GRID2: variants seen among roughly 807,000 people sequenced by gnomAD.
GRID2 encodes glutamate ionotropic receptor delta type subunit 2, also known as glutamate receptor ionotropic, delta-2.
Under a neutral mutation model 114.8 loss-of-function variants are expected in GRID2, and 33 were observed. The observed-to-expected ratio is 0.29, with a 90% CI of 0.22 to 0.38. GRID2 has a LOEUF of 0.38. GRID2 is among the 10% of genes least tolerant of loss of function. GRID2 has a pLI of 1.00. For synonymous variants in GRID2, 505 were observed against 449.9 expected (o/e 1.12, Z -1.55); for missense variants, 1,184 against 1,257.7 (o/e 0.94, Z 0.89).
intron 12 of GRID2, among the ~76,000 whole-genome samples, chr4:93,493,258 C>A (rs1222742467): frequency 6.6e-6 from 1 of 151,740 alleles, no homozygotes; most frequent in African/African-American, 2.4e-5. Flanking sequence ...ATAACTGATC[C>A]TATGCAGTAA....
At chr4:93,323,560 G>A (rs1284291588) in intron 8 of GRID2, among the ~76,000 whole-genome samples, 1 of 152,126 alleles carries the variant, frequency 6.6e-6, no homozygotes, top group Non-Finnish European at 1.5e-5. Flanking sequence ...GAACTTTAAA[G>A]TAGTTTTTTC....
At chr4:92,843,420 T>C (rs1743061128) in intron 2 of GRID2, among the ~76,000 whole-genome samples, 2 of 152,106 alleles carry the variant, frequency 1.3e-5, no homozygotes. Context: ...AACTTTGGTT[T>C]TTATGAGCTA....
intron 13 of GRID2, among the ~76,000 whole-genome samples, chr4:93,549,518 A>G (rs1733563274): frequency 6.6e-6 from 1 of 152,230 alleles, no homozygotes; most frequent in Non-Finnish European, 1.5e-5. Context: ...GGCATACTTC[A>G]TATACAAAAG....
chr4:92,532,335 A>C (rs1242310145), intron 1 of GRID2, among the ~76,000 whole-genome samples: 6 of 152,180 alleles, frequency 3.9e-5, no homozygotes, highest in Non-Finnish European at 7.3e-5. Flanking sequence ...GAAAAAGCAA[A>C]GTTTGAAATA....
At chr4:93,766,163 A>C (rs1451299913) in intron 14 of GRID2, among the ~76,000 whole-genome samples, 1 of 152,238 alleles carries the variant, frequency 6.6e-6, no homozygotes, top group African/African-American at 2.4e-5. Context: ...AATGATGATA[A>C]GTGCTATGAA....
chr4:93,617,277 A>G (rs1002395130), intron 13 of GRID2, among the ~76,000 whole-genome samples: 2 of 152,188 alleles, frequency 1.3e-5, no homozygotes, highest in Non-Finnish European at 2.9e-5. Flanking sequence ...TATCAGGGGA[A>G]TGGTACAATA....
At chr4:92,443,338 A>G (rs1560633728) in intron 1 of GRID2, among the ~76,000 whole-genome samples, 1 of 152,154 alleles carries the variant, frequency 6.6e-6, no homozygotes, top group Non-Finnish European at 1.5e-5. Context: ...GAAGAAAATA[A>G]GGCATTTAGG....
At chr4:92,659,931 T>G (rs1196795776) in intron 2 of GRID2, among the ~76,000 whole-genome samples, 1 of 151,502 alleles carries the variant, frequency 6.6e-6, no homozygotes, top group Non-Finnish European at 1.5e-5. Flanking sequence ...GTTAGATAGA[T>G]GCACATCCTT....
chr4:92,861,708 T>C (rs994686854), intron 2 of GRID2, among the ~76,000 whole-genome samples: 2 of 152,056 alleles, frequency 1.3e-5, no homozygotes, highest in Non-Finnish European at 2.9e-5. Flanking sequence ...TCAATAAATA[T>C]GTGATGAAGG....
chr4:93,086,991 C>T (rs1000132668), intron 3 of GRID2, among the ~76,000 whole-genome samples: 1 of 151,520 alleles, frequency 6.6e-6, no homozygotes, highest in Non-Finnish European at 1.5e-5. Flanking sequence ...GCGGGGAGAA[C>T]AATTTTCAGT....
chr4:92,577,193 T>A (rs1727936601), intron 1 of GRID2, among the ~76,000 whole-genome samples: 1 of 152,112 alleles, frequency 6.6e-6, no homozygotes, highest in Admixed American at 6.6e-5. Context: ...AGTTTCTTTG[T>A]GGCTGAAGAA....
At position 92,530,340 on chromosome 4, in the gene GRID2, T is replaced by C. The variant is rs199807377; in HGVS notation, c.89-59791T>C. Among the ~76,000 whole-genome samples the C allele has an allele frequency of 5.3e-5, 8 of 151,936 alleles. No individual in the cohort carries two copies. In the East Asian group the frequency reaches 1.4e-3, roughly 26 times the overall value. On this transcript the variant is annotated intron_variant, in intron 1 of 15. Transcript: ENST00000282020. ...TCTCAGCATTACTAAAAGTAATGCC[T>C]TGTTGTGTGATGCAATAGGAAAAGG...
At chr4:93,067,543 A>G (rs1292996442) in intron 2 of GRID2, among the ~76,000 whole-genome samples, 2 of 152,014 alleles carry the variant, frequency 1.3e-5, no homozygotes, top group East Asian at 1.9e-4. Context: ...ATCACCTCCC[A>G]AAGACCCTAC....
chr4:93,680,677 C>T (rs1056619000), intron 14 of GRID2, among the ~76,000 whole-genome samples: 1 of 151,332 alleles, frequency 6.6e-6, no homozygotes, highest in African/African-American at 2.4e-5. Flanking sequence ...AAGACAAAAA[C>T]CACATGATTA....
chr4:92,863,419 G>A (rs1166971031), intron 2 of GRID2, among the ~76,000 whole-genome samples: 2 of 151,956 alleles, frequency 1.3e-5, no homozygotes, highest in South Asian at 2.1e-4. Flanking sequence ...TACTTAACCT[G>A]TTCCCCTAGT....
chr4:93,360,184 A>G (rs1463900201), intron 8 of GRID2, among the ~76,000 whole-genome samples: 2 of 151,886 alleles, frequency 1.3e-5, no homozygotes, highest in Non-Finnish European at 1.5e-5. Flanking sequence ...AAACTTGTTC[A>G]TTTTACCAAT....
intron 13 of GRID2, among the ~76,000 whole-genome samples, chr4:93,608,825 C>A (rs960683358): frequency 7.4e-6 from 1 of 135,050 alleles, no homozygotes; most frequent in East Asian, 2.0e-4. Flanking sequence ...GGGTATATAC[C>A]CAGTAATGGG....
At chr4:92,510,599 G>C (rs969105620) in intron 1 of GRID2, among the ~76,000 whole-genome samples, 2 of 151,622 alleles carry the variant, frequency 1.3e-5, no homozygotes, top group Admixed American at 6.6e-5. Flanking sequence ...ATGGAGAGAG[G>C]GTGAGTACAA....
At chr4:93,405,626 G>A (rs182168819) in intron 9 of GRID2, among the ~76,000 whole-genome samples, 1 of 152,244 alleles carries the variant, frequency 6.6e-6, no homozygotes, top group East Asian at 1.9e-4. Flanking sequence ...TAGGTAGATT[G>A]ACTTCCATAA....
Sources: gnomAD v4.1 joint callset for allele counts (sites outside exome capture counted in the v4.1 genomes callset) on GRCh38, gnomAD v4.1.1 for gene constraint, MANE v1.5 for transcripts, NCBI Gene and HGNC (gene_info 2026-07-23, HGNC 2026-07-21) for gene names.